Variants in ARHGEF28 observed in about 807,000 individuals in gnomAD.
ARHGEF28 encodes the protein 190 kDa guanine nucleotide exchange factor.
A neutral mutation model predicts 206.6 loss-of-function variants in ARHGEF28; 152 were observed. The ratio of observed to expected loss-of-function variants is 0.74; its 90% CI spans 0.64 to 0.84. The LOEUF is 0.84. Among genes scored for constraint, ARHGEF28 ranks in the 40% least tolerant of loss-of-function variants. The pLI, the probability that ARHGEF28 is intolerant of heterozygous loss-of-function variation, is 0.00. For missense variants in ARHGEF28, 2,028 were observed against 2,073.2 expected, an observed-to-expected ratio of 0.98 and a Z score of 0.42; for synonymous variants, 763 against 776.4, an observed-to-expected ratio of 0.98 and a Z score of 0.29.
At chr5:73,774,669 A>G (rs1303849040) in intron 5 of ARHGEF28, among the ~76,000 whole-genome samples, 1 of 152,250 alleles carries the variant, frequency 6.6e-6, no homozygotes, top group East Asian at 1.9e-4. Flanking sequence ...GAGGGTATCA[A>G]CACTTCCAGT....
At chr5:73,848,774 G>A (rs1032610161) in intron 12 of ARHGEF28, among the ~76,000 whole-genome samples, 1 of 152,040 alleles carries the variant, frequency 6.6e-6, no homozygotes, top group Admixed American at 6.6e-5. Context: ...TATTCCCCAA[G>A]CTGAAGGTTG....
At chr5:73,681,957 G>A (rs1175212537) in intron 1 of ARHGEF28, among the ~76,000 whole-genome samples, 7 of 152,064 alleles carry the variant, frequency 4.6e-5, no homozygotes, top group African/African-American at 4.8e-5. Context: ...AACTTAGCAC[G>A]CCTATCATCT....
intron 26 of ARHGEF28, among the ~76,000 whole-genome samples, chr5:73,889,997 G>T (rs1169490819): frequency 6.6e-6 from 1 of 152,202 alleles, no homozygotes; most frequent in Non-Finnish European, 1.5e-5. Context: ...TTTGTTAAAT[G>T]CCGTGGCACA....
chr5:73,917,667 T>C (rs1580100520), intron 35 of ARHGEF28, among the ~76,000 whole-genome samples: 1 of 152,152 alleles, frequency 6.6e-6, no homozygotes. Context: ...GCCATGCGGG[T>C]GTCTGTTCAT....
intron 1 of ARHGEF28, among the ~76,000 whole-genome samples, chr5:73,663,700 A>G (rs1561317758): frequency 6.6e-6 from 1 of 152,164 alleles, no homozygotes; most frequent in Admixed American, 6.5e-5. Context: ...GTATTTCTTC[A>G]TGCCCTTTGT....
chr5:73,675,770 T>G (rs906249722), intron 1 of ARHGEF28, among the ~76,000 whole-genome samples: 9 of 151,302 alleles, frequency 5.9e-5, no homozygotes, highest in African/African-American at 2.2e-4. Flanking sequence ...TAAGCATATT[T>G]ATAAAGTTTA....
chr5:73,746,872 A>G (rs942691254), intron 2 of ARHGEF28, among the ~76,000 whole-genome samples: 1 of 152,164 alleles, frequency 6.6e-6, no homozygotes, highest in Non-Finnish European at 1.5e-5. Flanking sequence ...GCTTTGTGGT[A>G]GAGCAAGCTT....
chr5:73,703,691 C>G (rs1270065387), intron 2 of ARHGEF28, among the ~76,000 whole-genome samples: 1 of 147,812 alleles, frequency 6.8e-6, no homozygotes. Context: ...TTTTGTCTAT[C>G]TTCGTATAGA....
At chr5:73,792,213 A>G (rs1482267110) in intron 7 of ARHGEF28, among the ~76,000 whole-genome samples, 2 of 152,224 alleles carry the variant, frequency 1.3e-5, no homozygotes, top group Non-Finnish European at 2.9e-5. Context: ...ACAATTTTTA[A>G]TGAAGACATA....
At chr5:73,809,973 C>A (rs2112516059) in intron 9 of ARHGEF28, among the ~76,000 whole-genome samples, 1 of 152,102 alleles carries the variant, frequency 6.6e-6, no homozygotes, top group Non-Finnish European at 1.5e-5. Context: ...TAAATAGCAT[C>A]TTGAATTAAT....
At chr5:73,662,516 A>G (rs1164595676) in intron 1 of ARHGEF28, among the ~76,000 whole-genome samples, 3 of 152,250 alleles carry the variant, frequency 2.0e-5, no homozygotes, top group Non-Finnish European at 4.4e-5. Flanking sequence ...GGTGTGAAAT[A>G]TCAATAAGGA....
At chr5:73,871,577 A>G (rs1760105130) in intron 21 of ARHGEF28, among the ~76,000 whole-genome samples, 1 of 152,112 alleles carries the variant, frequency 6.6e-6, no homozygotes, top group East Asian at 1.9e-4. Context: ...GTGAGTTGTT[A>G]TTTTCTCTCC....
chr5:73,837,947 C>G (rs1757760823), intron 10 of ARHGEF28, among the ~76,000 whole-genome samples: 1 of 152,082 alleles, frequency 6.6e-6, no homozygotes. Context: ...GCCATGTTGG[C>G]CAGGCTGGTC....
intron 4 of ARHGEF28, among the ~76,000 whole-genome samples, chr5:73,763,569 A>G (rs1752729970): frequency 6.6e-6 from 1 of 152,112 alleles, no homozygotes; most frequent in South Asian, 2.1e-4. Context: ...TGTCTCCCAA[A>G]CAGAACAGGG....
intron 9 of ARHGEF28, among the ~76,000 whole-genome samples, chr5:73,810,982 G>A (rs1755804447): frequency 6.6e-6 from 1 of 152,154 alleles, no homozygotes; most frequent in Admixed American, 6.5e-5. Context: ...TTAAGGGGAT[G>A]GTATAGTAGA....
At position 73,832,341 on chromosome 5, in the gene ARHGEF28, G is replaced by A. The variant is rs187897891; in HGVS notation, c.1028G>A (p.Arg343His). 1,409 of 1,612,300 alleles carry A rather than the reference G, an allele frequency of 8.7e-4. 4 individuals are homozygous for A. The Middle Eastern group carries it at 0.015, about 17-fold the overall frequency. Residue 343 changes from arginine (R) to histidine (H), a missense_variant, in exon 10 of 36, where the codon CGC becomes CAC. Around this residue, in one of 3 missense-constraint regions of ARHGEF28, gnomAD observed 1,002 missense variants for 1,015.3 expected, o/e 0.99. Transcript: ENST00000513042. ...HEDQHSLDLD[R>H]SFDILKKSKP... ...TGTTTTCATTTTTGTACTCTAGATC[G>A]CTCCTTCGATATCCTAAAAAAATCC...
Position 73,832,412 on chromosome 5 carries a change from C to T in ARHGEF28, c.1099C>T (p.Leu367=). The T allele has an allele frequency of 6.2e-7, 1 of 1,612,506 alleles. No homozygotes were observed. The highest frequency in any genetic ancestry group is 8.5e-7 in the Non-Finnish European group (1 of 1,179,280). Residue 367 remains leucine, a synonymous_variant, in exon 10 of 36, where the codon CTG becomes TTG. Coordinates refer to ENST00000513042, the MANE Select transcript of ARHGEF28 (RefSeq NM_001177693.2). ...TGCTGCAGGCCGGCTTTCAGACATG[C>T]TGAATGGAGGTGATGAAGTCTACGC... is the stretch of plus-strand genomic sequence containing the variant. The part of the protein sequence containing the change: ...LLAAGRLSDM[L]NGGDEVYANC...
intron 7 of ARHGEF28, among the ~76,000 whole-genome samples, chr5:73,789,692 T>C (rs1223629286): frequency 6.6e-6 from 1 of 152,194 alleles, no homozygotes; most frequent in Non-Finnish European, 1.5e-5. Context: ...TTATTTATTT[T>C]TTTGATACAA....
intron 35 of ARHGEF28, among the ~76,000 whole-genome samples, chr5:73,913,269 A>G (rs952573555): frequency 2.0e-5 from 3 of 152,212 alleles, no homozygotes; most frequent in African/African-American, 4.8e-5. Flanking sequence ...CCTGGTTTAT[A>G]TAAGTAGGGA....
Sources: gnomAD v4.1 joint callset for allele counts (sites outside exome capture counted in the v4.1 genomes callset) on GRCh38, gnomAD v4.1.1 for gene constraint, gnomAD v4.1.1 regional missense constraint, MANE v1.5 for transcripts, NCBI Gene and HGNC (gene_info 2026-07-23, HGNC 2026-07-21) for gene names.